Variants in JAKMIP2 observed in about 807,000 individuals in gnomAD.
JAKMIP2 encodes janus kinase and microtubule-interacting protein 2.
A neutral mutation model predicts 115.0 loss-of-function variants in JAKMIP2; 25 were observed. That is an observed-to-expected ratio of 0.22 (90% CI 0.16 to 0.30). The LOEUF (loss-of-function observed/expected upper bound fraction) is 0.30, where lower values mean the gene tolerates loss of function less well. JAKMIP2 is among the 10% of genes least tolerant of loss of function. JAKMIP2 has a pLI of 1.00. For synonymous variants in JAKMIP2, 334 were observed against 343.6 expected (o/e 0.97, Z 0.31); for missense variants, 642 against 957.6 (o/e 0.67, Z 4.35).
Position 147,636,303 on chromosome 5 carries a change from C to T in JAKMIP2, c.1615-19G>A, listed in dbSNP as rs376914555. 67 of 1,608,810 alleles carry T rather than the reference C, an allele frequency of 4.2e-5. No homozygotes were observed. The highest frequency in any genetic ancestry group is 6.7e-5 in the Admixed American group (4 of 59,952). ...GTGAATCCTGTTTGACAAAGAATAT[C>T]GCGCAGTCAGCATTTCAGAGTGGCA... On this transcript the variant is annotated intron_variant, in intron 11 of 21. Transcript: ENST00000616793.
At chr5:147,631,730 C>A (rs1051265179) in intron 13 of JAKMIP2, among the ~76,000 whole-genome samples, 1 of 152,194 alleles carries the variant, frequency 6.6e-6, no homozygotes. Context: ...GTCATCCATT[C>A]TTCCAAATTT....
chr5:147,632,940 C>T, intron 12 of JAKMIP2, 162 bp from the exon 13 acceptor site: 1 of 556,142 alleles, frequency 1.8e-6, no homozygotes, highest in Non-Finnish European at 3.2e-6. Flanking sequence ...TTTGGCTTTC[C>T]TTCTAGTTAT....
chr5:147,751,732 T>C (rs763102804), intron 1 of JAKMIP2, among the ~76,000 whole-genome samples: 20 of 152,004 alleles, frequency 1.3e-4, no homozygotes, highest in Non-Finnish European at 2.8e-4. Flanking sequence ...GTCGAAAAAG[T>C]TTTTACAATT....
intron 21 of JAKMIP2, among the ~76,000 whole-genome samples, chr5:147,593,956 A>G (rs151250487): frequency 7.9e-5 from 12 of 152,322 alleles, no homozygotes; most frequent in African/African-American, 2.6e-4. Flanking sequence ...CAAACTTTCA[A>G]TGTATAGCAT....
At chr5:147,606,026 T>C (rs771251735) in intron 20 of JAKMIP2, among the ~76,000 whole-genome samples, 2 of 152,090 alleles carry the variant, frequency 1.3e-5, no homozygotes, top group Non-Finnish European at 2.9e-5. Flanking sequence ...TTTGATGGGG[T>C]TGTTTGCTTT....
chr5:147,692,249 A>C (rs1184553304), intron 1 of JAKMIP2, among the ~76,000 whole-genome samples: 1 of 152,192 alleles, frequency 6.6e-6, no homozygotes, highest in Admixed American at 6.5e-5. Flanking sequence ...AAATCAAAAA[A>C]CATCAAGGAA....
Position 147,650,376 on chromosome 5 carries a change from C to G in JAKMIP2, c.799G>C (p.Gly267Arg). The change falls in exon 4 of 22, where the codon GGA (glycine) becomes CGA (arginine). Residue 267 changes from glycine (G) to arginine (R), a missense_variant. Physicochemically the swap from Gly to Arg is moderately radical, Grantham distance 125. Around this residue, in one of 6 missense-constraint regions of JAKMIP2, gnomAD observed 439 missense variants for 570.9 expected, o/e 0.77. Transcript: ENST00000616793. ...NMSSPKREIP[G>R]RAGDGSEHCS... ...TGTTCGGAACCATCACCTGCCCTTCCTGGAATTTCTCGTTTTGGGCTGCTC... is the reference window on the plus strand; with the variant it reads ...TGTTCGGAACCATCACCTGCCCTTCGTGGAATTTCTCGTTTTGGGCTGCTC... 6.2e-7 allele frequency: 1 copy of G among 1,613,770 alleles called. No homozygotes were observed. Among genetic ancestry groups the G allele is most frequent in the Non-Finnish European group, 8.5e-7 (1 of 1,179,726 alleles).
chr5:147,623,922 G>A (rs1020803574), intron 16 of JAKMIP2, among the ~76,000 whole-genome samples: 5 of 151,910 alleles, frequency 3.3e-5, no homozygotes, highest in Non-Finnish European at 5.9e-5. Flanking sequence ...TGCAACCTCC[G>A]CCTCCTGCTT....
intron 1 of JAKMIP2, among the ~76,000 whole-genome samples, chr5:147,704,069 G>A (rs186247105): frequency 2.6e-4 from 40 of 152,152 alleles, no homozygotes; most frequent in Non-Finnish European, 5.0e-4. Flanking sequence ...TAACATGCAT[G>A]GAACTGTCAT....
intron 16 of JAKMIP2, among the ~76,000 whole-genome samples, chr5:147,627,988 ACT>A (rs1487175227): frequency 6.7e-6 from 1 of 148,162 alleles, no homozygotes; most frequent in Non-Finnish European, 1.5e-5. Context: ...TGTGCACATG[ACT>A]CTCAAGTATT....
intron 20 of JAKMIP2, among the ~76,000 whole-genome samples, chr5:147,607,104 T>C (rs1716784139): frequency 6.6e-6 from 1 of 152,208 alleles, no homozygotes; most frequent in African/African-American, 2.4e-5. Context: ...AAATATACAA[T>C]CATGTCATCT....
intron 1 of JAKMIP2, among the ~76,000 whole-genome samples, chr5:147,716,126 A>G (rs1171049316): frequency 1.4e-5 from 2 of 147,402 alleles, no homozygotes; most frequent in East Asian, 4.1e-4. Flanking sequence ...TAGTTTACTG[A>G]GAATGATGTT....
intron 1 of JAKMIP2, among the ~76,000 whole-genome samples, chr5:147,702,885 C>T (rs1215099655): frequency 6.6e-6 from 1 of 152,048 alleles, no homozygotes; most frequent in Non-Finnish European, 1.5e-5. Context: ...AAAGACTCCT[C>T]ATAAATATAC....
At chr5:147,740,831 A>G (rs933787377) in intron 1 of JAKMIP2, among the ~76,000 whole-genome samples, 1 of 152,178 alleles carries the variant, frequency 6.6e-6, no homozygotes, top group Non-Finnish European at 1.5e-5. Context: ...ATCCATCTTG[A>G]AGGGCAAACC....
intron 10 of JAKMIP2, among the ~76,000 whole-genome samples, chr5:147,639,252 C>T (rs1023554505): frequency 6.6e-6 from 1 of 152,092 alleles, no homozygotes; most frequent in Non-Finnish European, 1.5e-5. Flanking sequence ...CATACGTAAA[C>T]GCTGGGCACT....
intron 1 of JAKMIP2, among the ~76,000 whole-genome samples, chr5:147,732,943 C>A (rs982675133): frequency 2.0e-5 from 3 of 152,196 alleles, no homozygotes; most frequent in African/African-American, 7.2e-5. Context: ...GTCTTCCTGG[C>A]ACCTTCAAAG....
Position 147,686,519 on chromosome 5 carries a change from G to T in JAKMIP2, c.-148-14565C>A, listed in dbSNP as rs1760580492. ...CTCTATAGAAGCAGGGATTTCCCTG[G>T]GCCTGTTCACCACTGTATCCGCAGT... is the stretch of plus-strand genomic sequence containing the variant. On this transcript the variant is annotated intron_variant, in intron 1 of 21. Coordinates refer to ENST00000616793, the MANE Select transcript of JAKMIP2 (RefSeq NM_001270941.2). 2.6e-5 allele frequency among the ~76,000 whole-genome samples: 4 copies of T among 152,094 alleles called. No individual in the cohort carries two copies. In the South Asian group the frequency reaches 8.3e-4, roughly 32 times the overall value.
intron 1 of JAKMIP2, among the ~76,000 whole-genome samples, chr5:147,767,691 C>A (rs549483180): frequency 6.6e-6 from 1 of 152,172 alleles, no homozygotes; most frequent in African/African-American, 2.4e-5. Flanking sequence ...TAACTGAAAT[C>A]AATGTATCTA....
chr5:147,625,915 A>G (rs138304445), intron 16 of JAKMIP2, among the ~76,000 whole-genome samples: 1 of 152,208 alleles, frequency 6.6e-6, no homozygotes, highest in Non-Finnish European at 1.5e-5. Context: ...GGAACAGTAC[A>G]TAAGTACATA....
Sources: gnomAD v4.1 joint callset for allele counts (sites outside exome capture counted in the v4.1 genomes callset) on GRCh38, gnomAD v4.1.1 for gene constraint, gnomAD v4.1.1 regional missense constraint, MANE v1.5 for transcripts, NCBI Gene and HGNC (gene_info 2026-07-23, HGNC 2026-07-21) for gene names.